The following CEP164 variants were observed in gnomAD, a reference collection of about 807,000 sequenced individuals.
The protein encoded by CEP164 is centrosomal protein 164.
Under a neutral mutation model 182.7 loss-of-function variants are expected in CEP164, and 162 were observed. That is an observed-to-expected ratio of 0.89 (90% confidence interval 0.78 to 1.01). The LOEUF (loss-of-function observed/expected upper bound fraction) is 1.01, where lower values mean the gene tolerates loss of function less well. Ranked by LOEUF, CEP164 falls within the 50% of genes least tolerant of loss-of-function variation. The pLI, the probability that CEP164 is intolerant of heterozygous loss-of-function variation, is 0.00. For missense variants in CEP164, 1,735 were observed against 1,790.4 expected (o/e 0.97, Z 0.56); for synonymous variants, 661 against 690.0 (o/e 0.96, Z 0.66).
chr11:117,322,147 G>A (rs1309719618), intron 1 of CEP164, among the ~76,000 whole-genome samples: 6 of 152,016 alleles, frequency 3.9e-5, no homozygotes, highest in African/African-American at 9.7e-5. Flanking sequence ...GTGGAGTCTC[G>A]CTCTGTTGCC....
chr11:117,392,253 A>G lies in CEP164; in HGVS notation c.2311A>G (p.Ser771Gly), dbSNP rs143601082. The G allele has an allele frequency of 1.3e-4, 215 of 1,610,482 alleles. 1 individual carries two copies. Among genetic ancestry groups the G allele is most frequent in the Non-Finnish European group, 1.9e-5 (22 of 1,178,480 alleles). Reference protein sequence around the residue: ...EAVATLEKEHSAELERLCSSL... With the variant: ...EAVATLEKEHGAELERLCSSL... ...TGTGGCAACGCTGGAGAAGGAGCAC[A>G]GTGCTGAGCTGGAGCGGCTCTGCTC... The change falls in exon 18 of 33, where the codon AGT becomes GGT. Residue 771 changes from serine to glycine, a missense_variant. Ser to Gly is a moderately conservative substitution (Grantham distance 56). Transcript: ENST00000278935.
intron 1 of CEP164, among the ~76,000 whole-genome samples, chr11:117,322,341 TC>T (rs1253067810): frequency 6.6e-6 from 1 of 152,096 alleles, no homozygotes; most frequent in Admixed American, 6.6e-5. Flanking sequence ...GGTCTCGATC[TC>T]CTGACCTCAT....
At position 117,359,400 on chromosome 11, in the gene CEP164, G is replaced by A. The variant is rs114154473; in HGVS notation, c.394-2435G>A. ...TGGCTGGTGTTACGATTATCAGCTCGTTTTCTCCTTCACAAACATGTTCTA... is the reference window on the plus strand; with the variant it reads ...TGGCTGGTGTTACGATTATCAGCTCATTTTCTCCTTCACAAACATGTTCTA... On this transcript the variant is annotated intron_variant, in intron 5 of 32. Coordinates refer to ENST00000278935, the MANE Select transcript of CEP164 (RefSeq NM_014956.5). 25 of 985,350 alleles carry A rather than the reference G, an allele frequency of 2.5e-5. No homozygotes were observed. In the South Asian group the frequency reaches 2.8e-4, roughly 11 times the overall value. 61.0% of individuals were successfully genotyped at this position (985,350 alleles called of 1,614,324 possible).
At chr11:117,410,221 T>C in intron 30 of CEP164, 1 of 595,306 alleles carries the variant, frequency 1.7e-6, no homozygotes, top group South Asian at 2.0e-5. Flanking sequence ...GGAGCCTGGC[T>C]GACTGGGGCC....
At chr11:117,341,215 T>G (rs1422691237) in intron 3 of CEP164, among the ~76,000 whole-genome samples, 1 of 152,220 alleles carries the variant, frequency 6.6e-6, no homozygotes, top group Non-Finnish European at 1.5e-5. Flanking sequence ...ATAAAAACTT[T>G]CTTCGGCCCA....
rs201968100 is a variant in CEP164 at position 117,393,148 on chromosome 11, C to T, written c.2616+22C>T. The T allele has an allele frequency of 2.1e-4, 340 of 1,608,562 alleles. 1 individual carries two copies. In the African/African-American group the frequency reaches 3.7e-3, roughly 17 times the overall value. On this transcript the variant is annotated intron_variant, in intron 20 of 32. Coordinates refer to ENST00000278935, the MANE Select transcript of CEP164 (RefSeq NM_014956.5). ...TGAGGTAGCTCAGCCACATCCCCTG[C>T]GCGCATGCACACACATGCACACACA...
At chr11:117,338,715 G>A (rs753032290) in intron 3 of CEP164, 47 bp downstream of exon 3, 1 of 1,391,056 alleles carries the variant, frequency 7.2e-7, no homozygotes, top group Non-Finnish European at 1.0e-6. Context: ...TTTGTTTTTT[G>A]AGGACAGGGA....
In CEP164 at chr11:117,381,770, G is replaced by GC. The variant is rs752518735; in HGVS notation, c.1481dup (p.Pro495SerfsTer43). ...CTCGCAGCCTGGCCACTGAAGAAGAGCCTCCCCAGGGCCCCGAGGGGCAGC... is the reference window on the plus strand; with the variant it reads ...CTCGCAGCCTGGCCACTGAAGAAGAGCCCTCCCCAGGGCCCCGAGGGGCAGC... On this transcript the variant is annotated frameshift_variant, in exon 13 of 33. Transcript: ENST00000278935. LOFTEE classifies it high-confidence loss of function. 2.5e-5 allele frequency: 40 copies of GC among 1,602,736 alleles called. No homozygotes were observed. Among genetic ancestry groups the GC allele is most frequent in the East Asian group, 9.0e-5 (4 of 44,470 alleles).
chr11:117,392,223 C>T lies in CEP164; in HGVS notation c.2284-3C>T. 1 of 1,596,228 alleles carries T rather than the reference C, an allele frequency of 6.3e-7. No homozygotes were observed. Among genetic ancestry groups the T allele is most frequent in the Non-Finnish European group, 8.5e-7 (1 of 1,169,828 alleles). ...CACTCACAGTCCCTTTGCTCCTCCC[C>T]AGGCTGTGGCAACGCTGGAGAAGGA... On this transcript the variant is annotated splice_polypyrimidine_tract_variant and splice_region_variant and intron_variant, in intron 17 of 32. Transcript: ENST00000278935.
chr11:117,347,593 C>T (rs1412754433), intron 4 of CEP164, among the ~76,000 whole-genome samples: 1 of 151,986 alleles, frequency 6.6e-6, no homozygotes, highest in Non-Finnish European at 1.5e-5. Flanking sequence ...GCCTGTAATC[C>T]CAGCTACTCG....
intron 2 of CEP164, chr11:117,336,480 A>G (rs563508407): frequency 5.0e-5 from 75 of 1,490,810 alleles, no homozygotes; most frequent in Non-Finnish European, 6.9e-5. Context: ...GGAAAGCTGG[A>G]TTGCCCTGGG....
chr11:117,381,915 G>A, intron 13 of CEP164, 47 bp downstream of exon 13: 3 of 1,442,810 alleles, frequency 2.1e-6, no homozygotes, highest in Non-Finnish European at 2.7e-6. Context: ...GCTGGTGGCT[G>A]CTCTGTGTGT....
At chr11:117,370,591 G>T (rs2042101887) in intron 8 of CEP164, among the ~76,000 whole-genome samples, 1 of 152,204 alleles carries the variant, frequency 6.6e-6, no homozygotes, top group African/African-American at 2.4e-5. Context: ...TGTAGATCTG[G>T]GGTGGAGTCA....
chr11:117,350,613 AT>A, intron 4 of CEP164, among the ~76,000 whole-genome samples: 1 of 151,530 alleles, frequency 6.6e-6, no homozygotes, highest in Non-Finnish European at 1.5e-5. Context: ...TCATTTATCT[AT>A]TTTTCATTTT....
rs1050579424 is a variant in CEP164 at position 117,387,281 on chromosome 11, A to C, written c.1803A>C (p.Gln601His). The stretch of plus-strand genomic sequence containing the variant: ...AGGCCATGGAAGAGGCAGTGGCCCA[A>C]GTACTCGAGCAAGACCAGAGGCACC... ...ALKAMEEAVAQVLEQDQRHLL... is the reference protein window; with the variant it reads ...ALKAMEEAVAHVLEQDQRHLL... The change falls in exon 15 of 33, where the codon CAA becomes CAC. Residue 601 changes from glutamine (Q) to histidine (H), a missense_variant. Coordinates refer to ENST00000278935, the MANE Select transcript of CEP164 (RefSeq NM_014956.5). The C allele has an allele frequency of 1.1e-5, 17 of 1,614,110 alleles. No individual in the cohort carries two copies. The highest frequency in any genetic ancestry group is 1.4e-5 in the Non-Finnish European group (17 of 1,180,036).
At chr11:117,350,906 G>C (rs930896268) in intron 4 of CEP164, among the ~76,000 whole-genome samples, 1 of 151,986 alleles carries the variant, frequency 6.6e-6, no homozygotes, top group Non-Finnish European at 1.5e-5. Flanking sequence ...ATAGATTGTT[G>C]TTAATGGTGG....
intron 9 of CEP164, among the ~76,000 whole-genome samples, chr11:117,371,929 C>T (rs2042239303): frequency 6.6e-6 from 1 of 151,282 alleles, no homozygotes; most frequent in South Asian, 2.1e-4. Context: ...CATCATAGTT[C>T]AGGGTGCTTT....
In CEP164 at chr11:117,365,712, T is replaced by C. The variant is rs375574570; in HGVS notation, c.765+2206T>C. On this transcript the variant is annotated intron_variant, in intron 8 of 32. Transcript: ENST00000278935. ...CTCCTGCCTTAGCCTCCTGAGTAGC[T>C]GGGATTACAGGCGCCCGCCACCATG... Among the ~76,000 whole-genome samples, 52 of 152,224 alleles carry C rather than the reference T, an allele frequency of 3.4e-4. No homozygotes were observed. The South Asian group carries it at 6.8e-3, about 20-fold the overall frequency.
chr11:117,354,312 A>T (rs1382778336), intron 5 of CEP164, among the ~76,000 whole-genome samples: 3 of 152,116 alleles, frequency 2.0e-5, no homozygotes, highest in Non-Finnish European at 4.4e-5. Flanking sequence ...GCCACCACAC[A>T]CGGCTCAAGG....
Sources: allele counts gnomAD v4.1 joint callset (sites outside exome capture counted in the v4.1 genomes callset), GRCh38; gene constraint gnomAD v4.1.1; transcripts MANE v1.5; gene names NCBI Gene and HGNC (gene_info 2026-07-23, HGNC 2026-07-21).